MARCHF8: variants seen among roughly 807,000 people sequenced by gnomAD.
The protein encoded by MARCHF8 is membrane associated ring-CH-type finger 8.
MARCHF8 carries 40 observed loss-of-function variants against 51.6 expected under a neutral mutation model. That is an observed-to-expected ratio of 0.77 (90% CI 0.60 to 1.01). MARCHF8 has a LOEUF of 1.01. Among genes scored for constraint, MARCHF8 ranks in the 50% least tolerant of loss-of-function variants. MARCHF8 has a pLI of 0.00. For synonymous variants in MARCHF8, 263 were observed against 280.3 expected (o/e 0.94, Z 0.62); for missense variants, 685 against 708.6 (o/e 0.97, Z 0.38).
rs1040379755 is a variant in MARCHF8, at chr10:45,456,720, C to A, written c.*1519G>T. The A allele has an allele frequency of 6.6e-6, 1 of 152,324 alleles. No individual in the cohort carries two copies. The highest frequency in any genetic ancestry group is 1.5e-5 in the Non-Finnish European group (1 of 68,044). The allele number at this position is 152,324 out of a possible 1,614,324, so 9.4% of individuals were successfully genotyped here. On this transcript the variant is annotated 3_prime_UTR_variant, in exon 8 of 8. Coordinates refer to ENST00000453424, the MANE Select transcript of MARCHF8 (RefSeq NM_001282866.2). ...TCTGCGCTACATTGTGCTTCAGGCC[C>A]CCCCAGCAACTTTCCCGGAGGTAAC...
Position 45,463,353 on chromosome 10 carries a change from G to A in MARCHF8, c.886C>T (p.Leu296=). 1 of 1,550,826 alleles carries A rather than the reference G, an allele frequency of 6.4e-7. No homozygotes were observed. The highest frequency in any genetic ancestry group is 8.7e-7 in the Non-Finnish European group (1 of 1,147,046). ...GAGCAGAAGCCCATACTCCCTGCCA[G>A]CCCGCTGGAGGACTTGGCAGTGTGC... The part of the protein sequence containing the change: ...RLHTAKSSSG[L]AGSMGFCSDE... The change falls in exon 5 of 8, where the codon CTG becomes TTG. Residue 296 remains leucine (L), a synonymous_variant. Transcript: ENST00000453424.
At chr10:45,576,724 C>G (rs1301390179) in intron 1 of MARCHF8, among the ~76,000 whole-genome samples, 4 of 150,300 alleles carry the variant, frequency 2.7e-5, no homozygotes, top group Non-Finnish European at 4.4e-5. Context: ...GAATACAAAA[C>G]TAGCCTGGAC....
chr10:45,588,767 G>T (rs903274728), intron 1 of MARCHF8, among the ~76,000 whole-genome samples: 1 of 152,116 alleles, frequency 6.6e-6, no homozygotes, highest in Non-Finnish European at 1.5e-5. Context: ...GGGAGGCCAA[G>T]GTGGGTGGAT....
At chr10:45,564,252 C>G (rs1260799939) in intron 1 of MARCHF8, among the ~76,000 whole-genome samples, 1 of 152,116 alleles carries the variant, frequency 6.6e-6, no homozygotes, top group Admixed American at 6.5e-5. Flanking sequence ...CCAGCCTGGG[C>G]AACAGAGTGA....
At chr10:45,569,869 A>T (rs1273920935) in intron 1 of MARCHF8, among the ~76,000 whole-genome samples, 1 of 152,230 alleles carries the variant, frequency 6.6e-6, no homozygotes, top group Non-Finnish European at 1.5e-5. Flanking sequence ...GAAGAAAAAA[A>T]CAAGACCCAA....
intron 6 of MARCHF8, among the ~76,000 whole-genome samples, chr10:45,459,509 T>C (rs1038765424): frequency 2.6e-5 from 4 of 152,126 alleles, no homozygotes; most frequent in Admixed American, 6.5e-5. Context: ...CCATCAAAAA[T>C]CCCCTTGTCT....
Position 45,489,519 on chromosome 10 carries a change from A to G in MARCHF8, c.103-102T>C, listed in dbSNP as rs2043045158. The G allele has an allele frequency of 4.5e-6, 5 of 1,114,022 alleles. No individual in the cohort carries two copies. The Admixed American group carries it at 1.0e-4, about 22-fold the overall frequency. 69.0% of individuals were successfully genotyped at this position (1,114,022 alleles called of 1,614,324 possible). ...ACCCTACTGACAAATCATTCCCTGA[A>G]CTAGAATTTGCAAAGCACAACCTAC... is the stretch of plus-strand genomic sequence containing the variant. On this transcript the variant is annotated intron_variant, in intron 2 of 7. Transcript: ENST00000453424.
chr10:45,474,758 C>T (rs760017749), intron 3 of MARCHF8, among the ~76,000 whole-genome samples: 10 of 152,146 alleles, frequency 6.6e-5, no homozygotes, highest in Non-Finnish European at 8.8e-5. Context: ...ACACCTAGAG[C>T]AGGCAAGGAG....
chr10:45,465,300 C>A (rs1842932882), intron 3 of MARCHF8, among the ~76,000 whole-genome samples: 1 of 152,170 alleles, frequency 6.6e-6, no homozygotes. Context: ...CCCCAACAGC[C>A]CCAGGAAAAC....
intron 2 of MARCHF8, among the ~76,000 whole-genome samples, chr10:45,500,323 G>A (rs2133137389): frequency 6.6e-6 from 1 of 151,998 alleles, no homozygotes; most frequent in African/African-American, 2.4e-5. Context: ...CTGATTTTTT[G>A]TTTGTTTTGC....
chr10:45,532,119 C>T (rs142519690), intron 2 of MARCHF8, among the ~76,000 whole-genome samples: 2 of 152,306 alleles, frequency 1.3e-5, no homozygotes, highest in African/African-American at 4.8e-5. Context: ...CATCCCCACA[C>T]TAAGGTAAGA....
intron 2 of MARCHF8, 104 bp from the exon 3 acceptor site, chr10:45,489,521 T>C (rs1564481004): frequency 9.3e-7 from 1 of 1,080,788 alleles, no homozygotes; most frequent in Non-Finnish European, 1.4e-6. Flanking sequence ...TTCCCTGAAC[T>C]AGAATTTGCA....
chr10:45,536,880 T>A (rs918114836), upstream of MARCHF8, among the ~76,000 whole-genome samples: 7 of 145,346 alleles, frequency 4.8e-5, no homozygotes, highest in East Asian at 4.0e-4. Context: ...ATAATAATAA[T>A]AAAGACAAAT....
intron 1 of MARCHF8, among the ~76,000 whole-genome samples, chr10:45,554,776 C>T (rs1286619415): frequency 6.6e-6 from 1 of 152,086 alleles, no homozygotes; most frequent in Non-Finnish European, 1.5e-5. Context: ...AAATTAGGGC[C>T]GGGCGTGGTT....
chr10:45,464,920 T>A (rs1354645313), intron 3 of MARCHF8, among the ~76,000 whole-genome samples: 1 of 152,182 alleles, frequency 6.6e-6, no homozygotes, highest in Non-Finnish European at 1.5e-5. Flanking sequence ...GAGCACAGAA[T>A]GCTCCCAACA....
intron 2 of MARCHF8, among the ~76,000 whole-genome samples, chr10:45,503,239 A>C (rs1488222316): frequency 6.6e-6 from 1 of 152,174 alleles, no homozygotes; most frequent in Non-Finnish European, 1.5e-5. Context: ...TGACTTTTTA[A>C]AAAAACAACC....
At chr10:45,531,254 TCC>T in intron 2 of MARCHF8, among the ~76,000 whole-genome samples, 1 of 152,094 alleles carries the variant, frequency 6.6e-6, no homozygotes, top group African/African-American at 2.4e-5. Context: ...AACCCACTGA[TCC>T]ACAAGCACAA....
At chr10:45,469,878 A>T (rs1386760256) in intron 3 of MARCHF8, among the ~76,000 whole-genome samples, 2 of 150,372 alleles carry the variant, frequency 1.3e-5, no homozygotes, top group Non-Finnish European at 3.0e-5. Context: ...AAAAAAAAAA[A>T]AAAAAAAAAA....
chr10:45,503,844 T>A (rs2133156520), intron 2 of MARCHF8, among the ~76,000 whole-genome samples: 1 of 152,108 alleles, frequency 6.6e-6, no homozygotes, highest in East Asian at 1.9e-4. Context: ...GAAAACATTA[T>A]GCTATGTATG....
Sources: gnomAD v4.1 joint callset for allele counts (sites outside exome capture counted in the v4.1 genomes callset) on GRCh38, gnomAD v4.1.1 for gene constraint, MANE v1.5 for transcripts, NCBI Gene and HGNC (gene_info 2026-07-23, HGNC 2026-07-21) for gene names.